NCOA2: variants seen among roughly 807,000 people sequenced by gnomAD.
NCOA2 encodes the protein class E basic helix-loop-helix protein 75.
Under a neutral mutation model 145.1 loss-of-function variants are expected in NCOA2, and 21 were observed. The ratio of observed to expected loss-of-function variants is 0.14; its 90% CI spans 0.10 to 0.21. NCOA2 has a LOEUF of 0.21. NCOA2 is among the 10% of genes least tolerant of loss of function. The probability of loss-of-function intolerance (pLI) is 1.00; values close to 1 mark genes in which losing one functional copy is unlikely to be tolerated. For missense variants in NCOA2, 1,472 were observed against 1,837.6 expected, an observed-to-expected ratio of 0.80 and a Z score of 3.64; for synonymous variants, 619 against 637.5, an observed-to-expected ratio of 0.97 and a Z score of 0.44.
At chr8:70,243,403 C>G (rs965251113) in intron 2 of NCOA2, among the ~76,000 whole-genome samples, 1 of 152,022 alleles carries the variant, frequency 6.6e-6, no homozygotes, top group Non-Finnish European at 1.5e-5. Flanking sequence ...AGGATAATTA[C>G]ATTTACTGAG....
chr8:70,189,346 CATA>C (rs1215874772), intron 4 of NCOA2, among the ~76,000 whole-genome samples: 1 of 152,190 alleles, frequency 6.6e-6, no homozygotes, highest in East Asian at 1.9e-4. Context: ...ACAACATGTC[CATA>C]ATATCATTTA....
chr8:70,156,411 T>A lies in NCOA2; in HGVS notation c.1954A>T (p.Met652Leu), dbSNP rs200606374. The change falls in exon 11 of 23, where the codon ATG (methionine) becomes TTG (leucine). Residue 652 changes from methionine to leucine, a missense_variant. Around this residue, in one of 4 missense-constraint regions of NCOA2, gnomAD observed 953 missense variants for 1,062.1 expected, o/e 0.90. Coordinates refer to ENST00000452400, the MANE Select transcript of NCOA2 (RefSeq NM_006540.4). Reference protein sequence around the residue: ...LQLLTTKSDQMEPSPLASSLS... With the variant: ...LQLLTTKSDQLEPSPLASSLS... ...GAGCTGGCTAAGGGCGAGGGCTCCA[T>A]CTGATCAGATTTGGTGGTCAGCAGC... 6.2e-7 allele frequency: 1 copy of A among 1,613,948 alleles called. No homozygotes were observed. Among genetic ancestry groups the A allele is most frequent in the African/African-American group, 1.3e-5 (1 of 75,038 alleles).
intron 1 of NCOA2, among the ~76,000 whole-genome samples, chr8:70,308,238 T>C (rs1160458277): frequency 3.3e-5 from 5 of 152,302 alleles, no homozygotes; most frequent in East Asian, 3.9e-4. Flanking sequence ...TACTGTTTCA[T>C]GGGGCTAAAT....
intron 5 of NCOA2, among the ~76,000 whole-genome samples, chr8:70,171,816 C>T (rs139226676): frequency 2.0e-5 from 3 of 151,910 alleles, no homozygotes; most frequent in Admixed American, 2.0e-4. Flanking sequence ...GTATGCACCA[C>T]CACACCCAGA....
At chr8:70,133,404 T>C (rs747916367) in intron 15 of NCOA2, among the ~76,000 whole-genome samples, 8 of 152,024 alleles carry the variant, frequency 5.3e-5, no homozygotes, top group Non-Finnish European at 8.8e-5. Context: ...TGTACATTTT[T>C]TGTAGAGACA....
At chr8:70,216,609 CAT>C (rs2133942477) in intron 3 of NCOA2, 49 bp downstream of exon 3, 1 of 1,403,988 alleles carries the variant, frequency 7.1e-7, no homozygotes, top group Non-Finnish European at 1.0e-6. Flanking sequence ...AAGAAGCACT[CAT>C]GTGGCTTTAA....
At chr8:70,142,869 CAAA>C (rs35751289) in intron 13 of NCOA2, among the ~76,000 whole-genome samples, 67,599 of 150,546 alleles carry the variant, frequency 0.45, 17,747 homozygotes, top group Non-Finnish European at 0.58. Flanking sequence ...GTCTAGAAAG[CAAA>C]AAAGAGAATG....
At chr8:70,190,858 A>T (rs562313150) in intron 4 of NCOA2, among the ~76,000 whole-genome samples, 2 of 152,228 alleles carry the variant, frequency 1.3e-5, no homozygotes, top group Non-Finnish European at 2.9e-5. Flanking sequence ...AAGTAAAGTA[A>T]AAGAAAGTTG....
the NCOA2 span, among the ~76,000 whole-genome samples, chr8:70,427,738 G>A: frequency 1.8e-4 from 28 of 152,264 alleles, no homozygotes; most frequent in Non-Finnish European, 3.7e-4. Context: ...AAAGTTGGCC[G>A]TAGGAGGAAG....
chr8:70,367,631 T>C (rs925237295), intron 1 of NCOA2, among the ~76,000 whole-genome samples: 1 of 152,196 alleles, frequency 6.6e-6, no homozygotes, highest in African/African-American at 2.4e-5. Flanking sequence ...TCAGTTTCCG[T>C]GTATTAAGTA....
At chr8:70,453,988 G>C in the NCOA2 span, among the ~76,000 whole-genome samples, 2 of 152,180 alleles carry the variant, frequency 1.3e-5, no homozygotes, top group African/African-American at 4.8e-5. Context: ...AATTGTTCAT[G>C]TTTCATTTAA....
intron 1 of NCOA2, among the ~76,000 whole-genome samples, chr8:70,333,596 G>A (rs1301445235): frequency 1.3e-5 from 2 of 152,182 alleles, no homozygotes; most frequent in Non-Finnish European, 2.9e-5. Context: ...AACAGAATTT[G>A]CCATTTATCA....
chr8:70,223,015 T>G (rs899961201), intron 2 of NCOA2, among the ~76,000 whole-genome samples: 1 of 152,138 alleles, frequency 6.6e-6, no homozygotes, highest in East Asian at 1.9e-4. Flanking sequence ...TGGCCAGGAA[T>G]AGCAAGACTA....
intron 11 of NCOA2, among the ~76,000 whole-genome samples, chr8:70,154,529 T>C: frequency 6.6e-6 from 1 of 152,168 alleles, no homozygotes; most frequent in Admixed American, 6.5e-5. Context: ...CTCAGCCTCC[T>C]GAGTAGCTGA....
upstream of NCOA2, among the ~76,000 whole-genome samples, chr8:70,405,947 A>C (rs1284631597): frequency 6.6e-6 from 1 of 152,182 alleles, no homozygotes; most frequent in African/African-American, 2.4e-5. Flanking sequence ...AGTGCTACTC[A>C]ATTGCCTGAG....
chr8:70,416,506 T>G, the NCOA2 span, among the ~76,000 whole-genome samples: 1 of 152,232 alleles, frequency 6.6e-6, no homozygotes, highest in African/African-American at 2.4e-5. Flanking sequence ...ACTAACACTT[T>G]CCCCAGAGAG....
the NCOA2 span, among the ~76,000 whole-genome samples, chr8:70,447,522 T>G: frequency 6.6e-6 from 1 of 151,992 alleles, no homozygotes; most frequent in African/African-American, 2.4e-5. Flanking sequence ...TCACTTAGAG[T>G]GACTGACTCA....
intron 2 of NCOA2, among the ~76,000 whole-genome samples, chr8:70,241,513 G>C (rs1019245553): frequency 1.3e-5 from 2 of 152,074 alleles, no homozygotes; most frequent in Non-Finnish European, 2.9e-5. Flanking sequence ...GTTCACTAAA[G>C]TACAAACATT....
chr8:70,327,167 T>C (rs1418822915), intron 1 of NCOA2, among the ~76,000 whole-genome samples: 2 of 152,210 alleles, frequency 1.3e-5, no homozygotes, highest in African/African-American at 4.8e-5. Context: ...TAGGCACACA[T>C]GAAAAGTCTT....
Sources: allele counts gnomAD v4.1 joint callset (sites outside exome capture counted in the v4.1 genomes callset), GRCh38; gene constraint gnomAD v4.1.1; regional missense constraint gnomAD v4.1.1; transcripts MANE v1.5; gene names NCBI Gene and HGNC (gene_info 2026-07-23, HGNC 2026-07-21).